Variants in CBLN2 observed in about 807,000 individuals in gnomAD.
The protein encoded by CBLN2 is cerebellin 2 precursor, also known as cerebellin-2.
A neutral mutation model predicts 15.0 loss-of-function variants in CBLN2; 7 were observed. The observed-to-expected ratio is 0.47, with a 90% confidence interval of 0.27 to 0.88. The LOEUF (loss-of-function observed/expected upper bound fraction) is 0.88. CBLN2 is among the 40% of genes least tolerant of loss of function. The pLI is 0.14. For synonymous variants in CBLN2, 149 were observed against 135.2 expected (o/e 1.10, Z -0.71); for missense variants, 242 against 304.5 (o/e 0.79, Z 1.53).
chr18:72,596,669 AG>A, intron 1 of CBLN2, among the ~76,000 whole-genome samples: 1 of 152,154 alleles, frequency 6.6e-6, no homozygotes. Flanking sequence ...TTGTGTTTGA[AG>A]GATATTTTTA....
At chr18:72,634,980 C>T (rs773939634) in intron 1 of CBLN2, among the ~76,000 whole-genome samples, 20 of 152,042 alleles carry the variant, frequency 1.3e-4, no homozygotes, top group Non-Finnish European at 1.6e-4. Context: ...CTTCCTTTTC[C>T]CCCATTTCTT....
intron 1 of CBLN2, among the ~76,000 whole-genome samples, chr18:72,561,005 T>C (rs1159497124): frequency 6.6e-6 from 1 of 151,530 alleles, no homozygotes; most frequent in Non-Finnish European, 1.5e-5. Flanking sequence ...CGAGACTCCG[T>C]CTCAAAAAAA....
intron 3 of CBLN2, chr18:72,540,222 C>T (rs769380176): frequency 4.6e-5 from 7 of 152,180 alleles, no homozygotes; most frequent in Non-Finnish European, 8.8e-5. Flanking sequence ...TTCTTCCTTT[C>T]ACCTCAACTC....
chr18:72,563,675 A>C (rs1434429952), intron 1 of CBLN2, among the ~76,000 whole-genome samples: 2 of 152,202 alleles, frequency 1.3e-5, no homozygotes, highest in Non-Finnish European at 2.9e-5. Flanking sequence ...GGCCATTCAC[A>C]TGCTCCATTT....
intron 1 of CBLN2, among the ~76,000 whole-genome samples, chr18:72,619,999 C>A (rs1403042120): frequency 6.6e-6 from 1 of 152,198 alleles, no homozygotes; most frequent in African/African-American, 2.4e-5. Flanking sequence ...GTTGGGGGAA[C>A]ACATGGGTGA....
At chr18:72,585,621 G>A (rs2069437485) in intron 1 of CBLN2, among the ~76,000 whole-genome samples, 1 of 152,156 alleles carries the variant, frequency 6.6e-6, no homozygotes, top group African/African-American at 2.4e-5. Flanking sequence ...GTGGAACTGA[G>A]AGCCCAGCCA....
At position 72,543,696 on chromosome 18, in the gene CBLN2, C is replaced by A. The variant is rs755604821; in HGVS notation, c.-211-166G>T. ...CACGCCCCGCGCGCCCGCTTAGGCG[C>A]CGCGCCCGGGACCGGGAACCCCGCG... On this transcript the variant is annotated intron_variant, in intron 1 of 4. Coordinates refer to ENST00000269503, the MANE Select transcript of CBLN2 (RefSeq NM_182511.4). The surrounding 1 kb of genome is among the most constrained non-coding windows in gnomAD (Gnocchi z 6.8). The A allele has an allele frequency of 2.9e-6, 1 of 349,450 alleles. No homozygotes were observed. Among genetic ancestry groups the A allele is most frequent in the Non-Finnish European group, 5.1e-6 (1 of 194,660 alleles). 21.6% of individuals were successfully genotyped at this position (349,450 alleles called of 1,614,324 possible). A position where few individuals can be genotyped will look rare whatever the true frequency, so the allele number is the denominator to read the frequency against.
chr18:72,568,979 C>A (rs1405851127), intron 1 of CBLN2, among the ~76,000 whole-genome samples: 1 of 152,176 alleles, frequency 6.6e-6, no homozygotes, highest in African/African-American at 2.4e-5. Context: ...AAAAGTCAAT[C>A]CTTATGAATG....
Position 72,543,683 on chromosome 18 carries a change from G to T in CBLN2, c.-211-153C>A. ...TTCAGGGGTGCACCACGCCCCGCGC[G>T]CCCGCTTAGGCGCCGCGCCCGGGAC... On this transcript the variant is annotated intron_variant, in intron 1 of 4. Transcript: ENST00000269503. This position sits in a 1 kb window ranked among gnomAD's most constrained non-coding sequence, Gnocchi z 6.8. The T allele has an allele frequency of 5.6e-6, 2 of 354,104 alleles. No homozygotes were observed. The highest frequency in any genetic ancestry group is 1.5e-4 in the South Asian group (1 of 6,640). The allele number at this position is 354,104 out of a possible 1,614,324, so 21.9% of individuals were successfully genotyped here.
intron 1 of CBLN2, among the ~76,000 whole-genome samples, chr18:72,612,122 C>A (rs1397731771): frequency 6.6e-6 from 1 of 151,988 alleles, no homozygotes; most frequent in African/African-American, 2.4e-5. Flanking sequence ...GTACTAGTAC[C>A]ATGCTGTTTT....
chr18:72,572,041 G>C (rs564034734), intron 1 of CBLN2, among the ~76,000 whole-genome samples: 38 of 152,134 alleles, frequency 2.5e-4, no homozygotes, highest in Non-Finnish European at 4.4e-4. Context: ...CATTGAGACT[G>C]TGCTCTCTAA....
chr18:72,617,913 T>C (rs2069673516), intron 1 of CBLN2, among the ~76,000 whole-genome samples: 1 of 152,008 alleles, frequency 6.6e-6, no homozygotes, highest in South Asian at 2.1e-4. Flanking sequence ...TAAAATAAAA[T>C]GACTGCTTAT....
chr18:72,558,670 G>A (rs566036698), intron 1 of CBLN2, among the ~76,000 whole-genome samples: 4 of 152,234 alleles, frequency 2.6e-5, no homozygotes, highest in East Asian at 3.9e-4. Flanking sequence ...GGAAAGGGTC[G>A]ACACAAAATC....
intron 1 of CBLN2, among the ~76,000 whole-genome samples, chr18:72,557,920 T>C (rs1268519996): frequency 6.6e-6 from 1 of 152,036 alleles, no homozygotes; most frequent in African/African-American, 2.4e-5. Flanking sequence ...AAAATAAAAA[T>C]ATGTTTTTTA....
intron 1 of CBLN2, among the ~76,000 whole-genome samples, chr18:72,552,829 A>T (rs1354681103): frequency 6.6e-6 from 1 of 152,224 alleles, no homozygotes; most frequent in Non-Finnish European, 1.5e-5. Context: ...AAGTAGGCAT[A>T]TAATCATTTG....
intron 4 of CBLN2, 124 bp downstream of exon 4, chr18:72,538,529 C>T: frequency 4.8e-6 from 7 of 1,462,048 alleles, no homozygotes; most frequent in Non-Finnish European, 6.6e-6. Flanking sequence ...AGTTCAGAGC[C>T]ACATCACCCC....
intron 3 of CBLN2, chr18:72,539,348 T>G (rs1487951699): frequency 6.5e-6 from 1 of 152,914 alleles, no homozygotes; most frequent in Non-Finnish European, 1.5e-5. Flanking sequence ...GGATCTCCAG[T>G]GTTTCTCAGT....
intron 1 of CBLN2, among the ~76,000 whole-genome samples, chr18:72,567,058 A>G (rs2069299837): frequency 6.6e-6 from 1 of 152,106 alleles, no homozygotes; most frequent in South Asian, 2.1e-4. Flanking sequence ...CCTAGGCTCA[A>G]GCAATCCACC....
At chr18:72,570,907 C>A (rs1371286461) in intron 1 of CBLN2, among the ~76,000 whole-genome samples, 1 of 151,968 alleles carries the variant, frequency 6.6e-6, no homozygotes, top group Non-Finnish European at 1.5e-5. Context: ...GGGTCATGAA[C>A]AAATTTTAGT....
Sources: allele counts gnomAD v4.1 joint callset (sites outside exome capture counted in the v4.1 genomes callset), GRCh38; gene constraint gnomAD v4.1.1; non-coding constraint Gnocchi (gnomAD v3.1); transcripts MANE v1.5; gene names NCBI Gene and HGNC (gene_info 2026-07-23, HGNC 2026-07-21).